The following AMELX variants were observed in gnomAD, a reference collection of about 807,000 sequenced individuals.
AMELX encodes the protein amelogenin X-linked.
AMELX carries 9 observed loss-of-function variants against 15.8 expected under a neutral mutation model. That is an observed-to-expected ratio of 0.57 (90% confidence interval 0.34 to 0.99). AMELX has a LOEUF of 0.99. AMELX is among the 50% of genes least tolerant of loss of function. AMELX has a pLI of 0.02. For missense variants in AMELX, 107 were observed against 156.2 expected (o/e 0.68, Z 1.68); for synonymous variants, 61 against 58.8 (o/e 1.04, Z -0.17).
At position 11,300,504 on chromosome X, in the gene AMELX, G is replaced by A; in HGVS notation, c.571-103G>A. 4 of 683,175 alleles carry A rather than the reference G, an allele frequency of 5.9e-6. No homozygotes were observed. In the South Asian group the frequency reaches 1.0e-4, roughly 18 times the overall value. 56.3% of individuals were successfully genotyped at this position (683,175 alleles called of 1,213,427 possible). ...ATTATAGAGTTCAACTTAAATGGTT[G>A]TACATTGTTTTGACAAAACTGAAGC... On this transcript the variant is annotated intron_variant, in intron 5 of 5. Coordinates refer to ENST00000380714, the MANE Select transcript of AMELX (RefSeq NM_001142.2).
chrX:11,296,968 T>TTAAG, intron 3 of AMELX, 142 bp downstream of exon 3: 1 of 886,943 alleles, frequency 1.1e-6, no homozygotes, highest in East Asian at 3.1e-5. Context: ...GCTTCCCAGT[T>TTAAG]TAAGCTCTGA....
downstream of AMELX, among the ~76,000 whole-genome samples, chrX:11,304,953 A>AT (rs759285360): frequency 3.7e-5 from 4 of 106,766 alleles, no homozygotes; most frequent in African/African-American, 1.0e-4. Flanking sequence ...TGCCTGGCTA[A>AT]TTTTTTTTGT....
chrX:11,307,910 G>A, the AMELX span, among the ~76,000 whole-genome samples: 1 of 112,328 alleles, frequency 8.9e-6, no homozygotes, highest in Admixed American at 9.4e-5. Context: ...ACAATAAAAA[G>A]TCTATGCCTA....
At chrX:11,294,627 A>T in intron 1 of AMELX, 150 bp from the exon 2 acceptor site, 1 of 618,416 alleles carries the variant, frequency 1.6e-6, no homozygotes, top group Non-Finnish European at 2.7e-6. Context: ...GAGAGCTGGA[A>T]ATCACATATG....
intron 5 of AMELX, among the ~76,000 whole-genome samples, chrX:11,299,407 GA>G (rs1456864389): frequency 8.9e-6 from 1 of 111,842 alleles, no homozygotes; most frequent in Non-Finnish European, 1.9e-5. Context: ...GCAAATATCT[GA>G]ACAGGCTACA....
At chrX:11,295,025 C>T in intron 2 of AMELX, among the ~76,000 whole-genome samples, 183 bp downstream of exon 2, 1 of 111,926 alleles carries the variant, frequency 8.9e-6, no homozygotes, top group Non-Finnish European at 1.9e-5. Flanking sequence ...AATGCCGCTA[C>T]CAAAAATTCT....
rs200101076 is a variant in AMELX at position 11,298,772 on chromosome X, C to T, written c.369C>T (p.Ala123=). The stretch of plus-strand genomic sequence containing the variant: ...ACCAGCCAAACCTCCCTCCGCCCGC[C>T]CAGCAGCCCTACCAGCCCCAGCCTG... ...QHHQPNLPPP[A]QQPYQPQPVQ... Residue 123 remains alanine (A), a synonymous_variant, in exon 5 of 6, where the codon GCC becomes GCT. Coordinates refer to ENST00000380714, the MANE Select transcript of AMELX (RefSeq NM_001142.2). 146 of 1,208,774 alleles carry T rather than the reference C, an allele frequency of 1.2e-4. No homozygotes were observed. In the Admixed American group the frequency reaches 3.1e-3, roughly 26 times the overall value.
At position 11,300,636 on chromosome X, in the gene AMELX, T is replaced by A; in HGVS notation, c.*24T>A. 8.4e-7 allele frequency: 1 copy of A among 1,189,703 alleles called. No homozygotes were observed. The highest frequency in any genetic ancestry group is 1.1e-6 in the Non-Finnish European group (1 of 876,583). On this transcript the variant is annotated 3_prime_UTR_variant, in exon 6 of 6. Transcript: ENST00000380714. ...AAAAGATCAGAAGATGAGAGGGGAA[T>A]GAATACTTCAGATGCTTTCAGGAGT...
At chrX:11,304,315 C>T (rs5935000), downstream of AMELX, among the ~76,000 whole-genome samples, 2,408 of 110,654 alleles carry the variant, frequency 0.022, 29 homozygotes, top group Middle Eastern at 0.06. Flanking sequence ...GTCTTGAACT[C>T]CTGACCTCAA....
chrX:11,300,109 G>T (rs1172725787), intron 5 of AMELX, among the ~76,000 whole-genome samples: 2 of 111,903 alleles, frequency 1.8e-5, no homozygotes, highest in Admixed American at 1.9e-4. Context: ...CAAGGCACAT[G>T]TTCTCTCTGT....
At position 11,296,836 on chromosome X, in the gene AMELX, C is replaced by G. The variant is rs1180999480; in HGVS notation, c.102+10C>G. On this transcript the variant is annotated intron_variant, in intron 3 of 5. Coordinates refer to ENST00000380714, the MANE Select transcript of AMELX (RefSeq NM_001142.2). ...CAACTTCAGCTATGAGGTAATTTTT[C>G]TCTTTACTAATTTTGACCATTGTTT... The G allele has an allele frequency of 2.5e-6, 3 of 1,206,977 alleles. No individual in the cohort carries two copies. In the East Asian group the frequency reaches 8.9e-5, roughly 36 times the overall value.
intron 5 of AMELX, among the ~76,000 whole-genome samples, chrX:11,299,539 G>C: frequency 1.8e-5 from 2 of 112,179 alleles, no homozygotes. Flanking sequence ...CTGTACTGGG[G>C]TTCTATAGAT....
intron 4 of AMELX, 34 bp downstream of exon 4, chrX:11,298,311 A>C (rs1339522368): frequency 8.4e-7 from 1 of 1,183,504 alleles, no homozygotes; most frequent in African/African-American, 1.8e-5. Flanking sequence ...TTCCCTGAAA[A>C]TATTAGGCAT....
At chrX:11,305,921 C>G in the AMELX span, among the ~76,000 whole-genome samples, 1 of 111,970 alleles carries the variant, frequency 8.9e-6, no homozygotes, top group African/African-American at 3.3e-5. Context: ...TAAGCACTGA[C>G]CTTGGGCAGC....
chrX:11,304,438 ACACCTCC>A (rs1161840400), downstream of AMELX, among the ~76,000 whole-genome samples: 2 of 110,725 alleles, frequency 1.8e-5, no homozygotes, highest in African/African-American at 3.3e-5. Flanking sequence ...AGCCACCTGA[ACACCTCC>A]CTTACTGATT....
At chrX:11,301,302 G>T (rs1603044458), downstream of AMELX, among the ~76,000 whole-genome samples, 1 of 112,332 alleles carries the variant, frequency 8.9e-6, no homozygotes. Context: ...ATAGAGAATT[G>T]CAGTGATTTT....
At chrX:11,296,729 T>C (rs771416423) in intron 2 of AMELX, 50 bp from the exon 3 acceptor site, 1 of 1,140,537 alleles carries the variant, frequency 8.8e-7, no homozygotes, top group East Asian at 3.0e-5. Context: ...CTTCCTTCAC[T>C]CTCTCCCTTC....
intron 2 of AMELX, among the ~76,000 whole-genome samples, chrX:11,296,228 T>C (rs2048081690): frequency 8.9e-6 from 1 of 112,444 alleles, no homozygotes; most frequent in Non-Finnish European, 1.9e-5. Flanking sequence ...GGAAGTGTTG[T>C]TTACTTTGCA....
chrX:11,293,610 A>C (rs2048031220), intron 1 of AMELX, 142 bp downstream of exon 1: 1 of 112,138 alleles, frequency 8.9e-6, no homozygotes, highest in Non-Finnish European at 1.9e-5. Context: ...GCCCATAATT[A>C]AATTAGACTC....
Sources: gnomAD v4.1 joint callset for allele counts (sites outside exome capture counted in the v4.1 genomes callset) on GRCh38, gnomAD v4.1.1 for gene constraint, MANE v1.5 for transcripts, NCBI Gene and HGNC (gene_info 2026-07-23, HGNC 2026-07-21) for gene names.